PLXDC2: variants seen among roughly 807,000 people sequenced by gnomAD.
PLXDC2 encodes the protein plexin domain-containing protein 2.
PLXDC2 carries 40 observed loss-of-function variants against 68.9 expected under a neutral mutation model. That is an observed-to-expected ratio of 0.58 (90% CI 0.45 to 0.76). The LOEUF (loss-of-function observed/expected upper bound fraction) is 0.76. PLXDC2 is among the 30% of genes least tolerant of loss of function. PLXDC2 has a pLI of 0.00. For synonymous variants in PLXDC2, 243 were observed against 234.2 expected (o/e 1.04, Z -0.34); for missense variants, 644 against 661.9 (o/e 0.97, Z 0.30).
intron 1 of PLXDC2, among the ~76,000 whole-genome samples, chr10:19,963,598 A>G (rs1834197603): frequency 1.3e-5 from 2 of 152,172 alleles, no homozygotes; most frequent in Non-Finnish European, 1.5e-5. Context: ...CAAAAAACCA[A>G]ACACCGCATG....
chr10:19,952,933 C>T (rs1834013599), intron 1 of PLXDC2, among the ~76,000 whole-genome samples: 1 of 151,898 alleles, frequency 6.6e-6, no homozygotes, highest in Non-Finnish European at 1.5e-5. Context: ...TTGATGATCT[C>T]AGCTCACTGC....
At chr10:20,040,388 A>T (rs1245522331) in intron 2 of PLXDC2, among the ~76,000 whole-genome samples, 2 of 152,172 alleles carry the variant, frequency 1.3e-5, no homozygotes, top group African/African-American at 4.8e-5. Context: ...CCACCCTTGG[A>T]TCATGCTAAT....
chr10:20,146,308 C>T (rs1834076329), intron 5 of PLXDC2, among the ~76,000 whole-genome samples: 1 of 40,506 alleles, frequency 2.5e-5, no homozygotes, highest in African/African-American at 6.4e-5. Context: ...TTCTTTTGCT[C>T]TATTTTTTTT....
chr10:20,279,745 T>C lies in PLXDC2; in HGVS notation c.1516T>C (p.Ser506Pro), dbSNP rs1309138543. The C allele has an allele frequency of 1.9e-6, 3 of 1,614,002 alleles. No homozygotes were observed. The highest frequency in any genetic ancestry group is 2.5e-6 in the Non-Finnish European group (3 of 1,179,938). Residue 506 changes from serine to proline, a missense_variant, in exon 14 of 14, where the codon TCT becomes CCT. By Grantham distance (74) the Ser-to-Pro change is moderately conservative. Coordinates refer to ENST00000377252, the MANE Select transcript of PLXDC2 (RefSeq NM_032812.9). ...RWPAMKFRRG[S>P]GHPAYAEVEP... ...GCCTGCGATGAAGTTTAGAAGAGGCTCTGGACATCCTGCCTATGCTGAAGT... is the reference window on the plus strand; with the variant it reads ...GCCTGCGATGAAGTTTAGAAGAGGCCCTGGACATCCTGCCTATGCTGAAGT...
intron 1 of PLXDC2, among the ~76,000 whole-genome samples, chr10:19,895,320 T>A (rs1838039458): frequency 6.6e-6 from 1 of 152,166 alleles, no homozygotes; most frequent in Non-Finnish European, 1.5e-5. Flanking sequence ...AGTATCAAAA[T>A]GTTTCCACAT....
intron 6 of PLXDC2, among the ~76,000 whole-genome samples, chr10:20,152,934 T>A (rs1834170111): frequency 6.6e-6 from 1 of 152,170 alleles, no homozygotes; most frequent in African/African-American, 2.4e-5. Flanking sequence ...ACAGAACAGA[T>A]AACTTTAATA....
intron 9 of PLXDC2, among the ~76,000 whole-genome samples, chr10:20,192,191 A>G (rs922434643): frequency 1.3e-5 from 2 of 152,032 alleles, no homozygotes; most frequent in Non-Finnish European, 2.9e-5. Flanking sequence ...TGAAAAAGCA[A>G]ATGCTAAGGT....
chr10:19,920,088 G>A (rs1186025418), intron 1 of PLXDC2, among the ~76,000 whole-genome samples: 4 of 152,210 alleles, frequency 2.6e-5, no homozygotes, highest in Non-Finnish European at 5.9e-5. Context: ...TTTTAGATGG[G>A]GCAATATATC....
chr10:19,926,574 G>GA (rs957832460), intron 1 of PLXDC2, among the ~76,000 whole-genome samples: 12 of 150,668 alleles, frequency 8.0e-5, no homozygotes, highest in African/African-American at 1.7e-4. Flanking sequence ...ATCTCAGGTG[G>GA]AAAAAAAAAT....
At chr10:20,212,520 ACTT>A (rs145977969) in intron 10 of PLXDC2, among the ~76,000 whole-genome samples, 4,300 of 152,250 alleles carry the variant, frequency 0.028, 76 homozygotes, top group Middle Eastern at 0.071. Context: ...AAAAGCATTT[ACTT>A]CTTCTCCCTT....
intron 12 of PLXDC2, among the ~76,000 whole-genome samples, chr10:20,241,340 T>C (rs1050747352): frequency 2.0e-5 from 3 of 152,202 alleles, no homozygotes; most frequent in Admixed American, 1.3e-4. Context: ...AGGACTCTTA[T>C]TAAGTGAAAC....
intron 9 of PLXDC2, among the ~76,000 whole-genome samples, chr10:20,189,589 A>T (rs1433170093): frequency 6.8e-6 from 1 of 147,238 alleles, no homozygotes; most frequent in African/African-American, 2.5e-5. Context: ...ATAAAAGTTT[A>T]TTAGGGCAAT....
chr10:20,240,896 T>C (rs1201061398), intron 12 of PLXDC2, among the ~76,000 whole-genome samples: 2 of 152,164 alleles, frequency 1.3e-5, no homozygotes, highest in Non-Finnish European at 2.9e-5. Flanking sequence ...CATTTTTCCT[T>C]AAATGACTTG....
intron 1 of PLXDC2, among the ~76,000 whole-genome samples, chr10:19,999,205 A>G (rs780622051): frequency 9.9e-5 from 15 of 152,234 alleles, no homozygotes; most frequent in Non-Finnish European, 2.2e-4. Flanking sequence ...TTAAAAGGGG[A>G]GGGAAGGTGC....
chr10:20,195,061 A>G (rs993123558), intron 9 of PLXDC2, among the ~76,000 whole-genome samples: 10 of 152,094 alleles, frequency 6.6e-5, no homozygotes, highest in African/African-American at 2.4e-4. Flanking sequence ...TAATGGGGTG[A>G]AGTGAACAAA....
At chr10:19,999,595 CTT>C (rs1834898926) in intron 1 of PLXDC2, among the ~76,000 whole-genome samples, 2 of 151,978 alleles carry the variant, frequency 1.3e-5, no homozygotes, top group Admixed American at 6.6e-5. Flanking sequence ...CTACATGACT[CTT>C]TGTGTTTGCA....
At chr10:20,047,424 A>G (rs1006362674) in intron 3 of PLXDC2, among the ~76,000 whole-genome samples, 1 of 152,130 alleles carries the variant, frequency 6.6e-6, no homozygotes, top group Non-Finnish European at 1.5e-5. Flanking sequence ...GATTTAACCA[A>G]AGATTTAACC....
At chr10:20,146,206 G>T (rs1489252650) in intron 5 of PLXDC2, among the ~76,000 whole-genome samples, 8 of 152,110 alleles carry the variant, frequency 5.3e-5, no homozygotes, top group African/African-American at 1.9e-4. Flanking sequence ...GAGGGTTGTA[G>T]ACATGTGTGA....
intron 6 of PLXDC2, among the ~76,000 whole-genome samples, chr10:20,150,703 G>A (rs923497470): frequency 6.6e-6 from 1 of 152,162 alleles, no homozygotes; most frequent in Admixed American, 6.5e-5. Context: ...ACCACCTGGA[G>A]GCTTTGTCAA....
Sources: gnomAD v4.1 joint callset for allele counts (sites outside exome capture counted in the v4.1 genomes callset) on GRCh38, gnomAD v4.1.1 for gene constraint, MANE v1.5 for transcripts, NCBI Gene and HGNC (gene_info 2026-07-23, HGNC 2026-07-21) for gene names.